The following DACH1 variants were observed in gnomAD, a reference collection of about 807,000 sequenced individuals.
DACH1 encodes the protein dachshund homolog 1.
Under a neutral mutation model 54.2 loss-of-function variants are expected in DACH1, and 12 were observed. The ratio of observed to expected loss-of-function variants is 0.22; its 90% CI spans 0.14 to 0.36. The LOEUF is 0.36. Ranked by LOEUF, DACH1 falls within the 10% of genes least tolerant of loss-of-function variation. The pLI is 1.00. For missense variants in DACH1, 805 were observed against 929.8 expected (o/e 0.87, Z 1.75); for synonymous variants, 386 against 366.2 (o/e 1.05, Z -0.62).
intron 6 of DACH1, among the ~76,000 whole-genome samples, chr13:71,523,730 CAA>C (rs771608980): frequency 4.1e-4 from 62 of 152,146 alleles, no homozygotes; most frequent in Admixed American, 8.5e-4. Flanking sequence ...TGTGTGATCA[CAA>C]GTTATAAAAT....
chr13:71,801,245 T>C (rs1440052890), intron 1 of DACH1, among the ~76,000 whole-genome samples: 1 of 152,104 alleles, frequency 6.6e-6, no homozygotes, highest in Non-Finnish European at 1.5e-5. Flanking sequence ...AAATCAAATC[T>C]TATGATGGTA....
chr13:71,718,564 A>ATCC, intron 1 of DACH1, among the ~76,000 whole-genome samples: 1 of 130,814 alleles, frequency 7.6e-6, no homozygotes, highest in Non-Finnish European at 1.6e-5. Context: ...TGACAGAGCA[A>ATCC]GACCATATCT....
chr13:71,657,865 C>A (rs1879234663), intron 2 of DACH1, among the ~76,000 whole-genome samples: 1 of 152,090 alleles, frequency 6.6e-6, no homozygotes, highest in African/African-American at 2.4e-5. Context: ...ACCTTTGCCT[C>A]CCGGAGTGCT....
chr13:71,857,227 C>T (rs1205793128), intron 1 of DACH1, among the ~76,000 whole-genome samples: 1 of 151,612 alleles, frequency 6.6e-6, no homozygotes, highest in Non-Finnish European at 1.5e-5. Flanking sequence ...AATCACTGTC[C>T]TAATAACCAT....
intron 1 of DACH1, among the ~76,000 whole-genome samples, chr13:71,802,298 G>A (rs1283284660): frequency 6.6e-6 from 1 of 152,024 alleles, no homozygotes; most frequent in African/African-American, 2.4e-5. Context: ...AAATAACTTT[G>A]AGAAATAGGG....
At position 71,507,674 on chromosome 13, in the gene DACH1, G is replaced by T. The variant is rs1195767186; in HGVS notation, c.1571-18526C>A. ...AAGTGAGGACATCTAGTCCATCCTT[G>T]GACTGACTACCTGGAAGAGAACAAT... On this transcript the variant is annotated intron_variant, in intron 6 of 10. Coordinates refer to ENST00000613252, the MANE Select transcript of DACH1 (RefSeq NM_080759.6). 1.4e-4 allele frequency among the ~76,000 whole-genome samples: 22 copies of T among 152,062 alleles called. 1 individual carries two copies. The highest frequency in any genetic ancestry group is 5.9e-5 in the Non-Finnish European group (4 of 68,008).
At chr13:71,848,080 C>T (rs1389367508) in intron 1 of DACH1, among the ~76,000 whole-genome samples, 1 of 151,944 alleles carries the variant, frequency 6.6e-6, no homozygotes, top group Non-Finnish European at 1.5e-5. Flanking sequence ...GAGACTTAGC[C>T]ATCATAGAAT....
intron 1 of DACH1, among the ~76,000 whole-genome samples, chr13:71,692,123 A>C (rs1308386484): frequency 2.0e-5 from 3 of 152,140 alleles, no homozygotes; most frequent in Admixed American, 2.0e-4. Flanking sequence ...TATTAGTATT[A>C]AAAGGTCATT....
chr13:71,678,298 C>T (rs539327301), intron 2 of DACH1, among the ~76,000 whole-genome samples: 2 of 152,206 alleles, frequency 1.3e-5, no homozygotes, highest in Admixed American at 1.3e-4. Context: ...CATTAGATTT[C>T]CAGTTAATGT....
intron 6 of DACH1, among the ~76,000 whole-genome samples, chr13:71,552,766 C>CATAT (rs369349397): frequency 0.012 from 1,047 of 86,632 alleles, 17 homozygotes; most frequent in Non-Finnish European, 0.018. Flanking sequence ...AGTTTTCATG[C>CATAT]ATATATATAT....
Position 71,446,287 on chromosome 13 carries a change from A to G in DACH1, c.2084-5595T>C, listed in dbSNP as rs75178337. On this transcript the variant is annotated intron_variant, in intron 10 of 10. Coordinates refer to ENST00000613252, the MANE Select transcript of DACH1 (RefSeq NM_080759.6). ...TTCTGTATGTGTTTGACGCAGAAAAAATATATTTCCTGTTTGTTCCTCATG... is the reference window on the plus strand; with the variant it reads ...TTCTGTATGTGTTTGACGCAGAAAAGATATATTTCCTGTTTGTTCCTCATG... Among the ~76,000 whole-genome samples the G allele has an allele frequency of 1.6e-4, 25 of 152,312 alleles. No individual in the cohort carries two copies. The East Asian group carries it at 4.2e-3, about 26-fold the overall frequency.
chr13:71,772,286 G>A (rs918266274), intron 1 of DACH1, among the ~76,000 whole-genome samples: 4 of 151,612 alleles, frequency 2.6e-5, no homozygotes, highest in Non-Finnish European at 5.9e-5. Flanking sequence ...ATGCCTAAAA[G>A]CAACAAAATC....
At chr13:71,683,450 G>A (rs1207810423) in intron 1 of DACH1, among the ~76,000 whole-genome samples, 1 of 152,080 alleles carries the variant, frequency 6.6e-6, no homozygotes, top group Non-Finnish European at 1.5e-5. Flanking sequence ...ATGAAACCAT[G>A]AAAAATGTAT....
intron 5 of DACH1, 110 bp from the exon 6 acceptor site, chr13:71,557,268 T>G: frequency 1.3e-6 from 1 of 767,110 alleles, no homozygotes. Context: ...ACTATAATAT[T>G]AATATAATGG....
intron 1 of DACH1, among the ~76,000 whole-genome samples, chr13:71,703,102 A>G (rs761356635): frequency 6.6e-6 from 1 of 152,220 alleles, no homozygotes; most frequent in Non-Finnish European, 1.5e-5. Flanking sequence ...ATTGTGTGTC[A>G]TATAGTATCT....
chr13:71,740,187 T>G (rs1270462585), intron 1 of DACH1, among the ~76,000 whole-genome samples: 1 of 152,190 alleles, frequency 6.6e-6, no homozygotes, highest in Non-Finnish European at 1.5e-5. Context: ...TCAAGACTGA[T>G]GAAGACAGCT....
chr13:71,594,497 T>C (rs955051748), intron 3 of DACH1, among the ~76,000 whole-genome samples: 11 of 152,246 alleles, frequency 7.2e-5, no homozygotes, highest in African/African-American at 1.9e-4. Flanking sequence ...AAAATTACTG[T>C]CAACAATGTA....
chr13:71,689,340 A>G (rs1431914331), intron 1 of DACH1, among the ~76,000 whole-genome samples: 1 of 152,128 alleles, frequency 6.6e-6, no homozygotes, highest in Non-Finnish European at 1.5e-5. Context: ...TACATATTTG[A>G]CCAAATTCTG....
At chr13:71,830,251 T>C (rs1164329460) in intron 1 of DACH1, among the ~76,000 whole-genome samples, 1 of 151,864 alleles carries the variant, frequency 6.6e-6, no homozygotes, top group African/African-American at 2.4e-5. Context: ...TGATAGCCAA[T>C]AGGAAACAGA....
Sources: gnomAD v4.1 joint callset for allele counts (sites outside exome capture counted in the v4.1 genomes callset) on GRCh38, gnomAD v4.1.1 for gene constraint, MANE v1.5 for transcripts, NCBI Gene and HGNC (gene_info 2026-07-23, HGNC 2026-07-21) for gene names.